Variants in COL19A1 observed in about 807,000 individuals in gnomAD.
The protein encoded by COL19A1 is collagen alpha-1(XIX) chain.
In COL19A1, 159 loss-of-function variants were observed where a neutral mutation model predicts 190.2. That is an observed-to-expected ratio of 0.84 (90% confidence interval 0.73 to 0.95). COL19A1 has a LOEUF of 0.95. COL19A1 is among the 40% of genes least tolerant of loss of function. The probability of loss-of-function intolerance (pLI) is 0.00; values close to 1 mark genes in which losing one functional copy is unlikely to be tolerated. For synonymous variants in COL19A1, 509 were observed against 458.9 expected, an observed-to-expected ratio of 1.11 and a Z score of -1.39; for missense variants, 1,418 against 1,431.9, an observed-to-expected ratio of 0.99 and a Z score of 0.16.
In COL19A1 at chr6:69,871,631, T is replaced by C. The variant is rs148008265; in HGVS notation, c.-33+4991T>C. Among the ~76,000 whole-genome samples the C allele has an allele frequency of 8.5e-5, 13 of 152,292 alleles. No homozygotes were observed. The East Asian group carries it at 2.1e-3, about 25-fold the overall frequency. On this transcript the variant is annotated intron_variant, in intron 1 of 50. Coordinates refer to ENST00000620364, the MANE Select transcript of COL19A1 (RefSeq NM_001858.6). ...TTCCATATTATTTTCTATTTTGGTG[T>C]TGGCTTTAACACTCTGACCTTTTAC...
At chr6:69,962,996 A>G in intron 11 of COL19A1, 126 bp downstream of exon 11, 3 of 598,952 alleles carry the variant, frequency 5.0e-6, no homozygotes, top group Non-Finnish European at 8.1e-6. Context: ...AGACATAACT[A>G]AAACATTTGC....
intron 4 of COL19A1, among the ~76,000 whole-genome samples, chr6:69,919,356 A>G (rs1443601675): frequency 6.6e-6 from 1 of 152,220 alleles, no homozygotes; most frequent in East Asian, 1.9e-4. Context: ...GAAAGCTCTA[A>G]AAGTAGATAA....
chr6:70,195,163 A>AT (rs1767122453), intron 48 of COL19A1, among the ~76,000 whole-genome samples: 3 of 147,114 alleles, frequency 2.0e-5, no homozygotes, highest in Non-Finnish European at 4.5e-5. Flanking sequence ...ATATATATAT[A>AT]AAGAGTTAAA....
chr6:70,194,904 C>T (rs1185902681), intron 48 of COL19A1, among the ~76,000 whole-genome samples: 2 of 151,760 alleles, frequency 1.3e-5, no homozygotes, highest in African/African-American at 4.8e-5. Context: ...CTCCAGATTT[C>T]CAGTGTTCAG....
At chr6:70,001,788 A>G (rs747854843) in intron 11 of COL19A1, among the ~76,000 whole-genome samples, 12 of 152,196 alleles carry the variant, frequency 7.9e-5, no homozygotes, top group Non-Finnish European at 1.2e-4. Context: ...GGGGTTTTCT[A>G]AATATGAAAT....
At chr6:70,166,077 G>A (rs1765133348) in intron 37 of COL19A1, 92 bp downstream of exon 37, 2 of 1,137,036 alleles carry the variant, frequency 1.8e-6, no homozygotes, top group Non-Finnish European at 2.7e-6. Context: ...TGTTTTCAAA[G>A]ATAAAATTCT....
At chr6:69,898,837 T>C in intron 2 of COL19A1, 111 bp from the exon 3 acceptor site, 1 of 685,632 alleles carries the variant, frequency 1.5e-6, no homozygotes, top group Non-Finnish European at 2.5e-6. Context: ...TTTACAGAAA[T>C]TTAATAAATG....
chr6:70,063,828 A>G (rs574145577), intron 14 of COL19A1, among the ~76,000 whole-genome samples: 2 of 152,348 alleles, frequency 1.3e-5, no homozygotes, highest in East Asian at 3.9e-4. Flanking sequence ...ACAAACTACC[A>G]TAAGAGAATA....
chr6:70,050,936 A>G (rs2150132155), intron 14 of COL19A1, among the ~76,000 whole-genome samples: 1 of 152,242 alleles, frequency 6.6e-6, no homozygotes, highest in South Asian at 2.1e-4. Flanking sequence ...GAAACACTGG[A>G]TGTAAGGCCA....
intron 11 of COL19A1, among the ~76,000 whole-genome samples, chr6:69,984,688 A>G (rs1776221330): frequency 6.6e-6 from 1 of 152,182 alleles, no homozygotes; most frequent in Non-Finnish European, 1.5e-5. Context: ...TTTCACAAAA[A>G]GTTAATGAGA....
intron 15 of COL19A1, among the ~76,000 whole-genome samples, chr6:70,073,789 G>A (rs1364128063): frequency 1.3e-5 from 2 of 152,168 alleles, no homozygotes; most frequent in Non-Finnish European, 2.9e-5. Flanking sequence ...TCACTGTGGA[G>A]TAGCTGAGAC....
chr6:69,960,347 A>C (rs1774700196), intron 10 of COL19A1, among the ~76,000 whole-genome samples: 1 of 152,206 alleles, frequency 6.6e-6, no homozygotes, highest in Non-Finnish European at 1.5e-5. Context: ...CAGAGTCTAA[A>C]ATGTAAAATA....
chr6:70,207,363 G>GC lies in COL19A1; in HGVS notation c.*90dup, dbSNP rs1554228331. The GC allele has an allele frequency of 4.9e-6, 2 of 409,396 alleles. No homozygotes were observed. The highest frequency in any genetic ancestry group is 1.6e-4 in the South Asian group (2 of 12,300). The allele number at this position is 409,396 out of a possible 1,614,324, so 25.4% of individuals were successfully genotyped here. ...GTCAAACCCTCATCATCTGTGGGTT[G>GC]CTTTTTTTTTTTTTTTTTTTTTTTG... is the stretch of plus-strand genomic sequence containing the variant. On this transcript the variant is annotated 3_prime_UTR_variant, in exon 51 of 51. Transcript: ENST00000620364.
rs540592331 is a variant in COL19A1, at chr6:70,150,748, G to A, written c.2038-649G>A. ...GGCCTTATGTGCCTTTATAAGCTAT[G>A]TGTGGAGGCATATTTTGGCATTACT... On this transcript the variant is annotated intron_variant, in intron 30 of 50. Coordinates refer to ENST00000620364, the MANE Select transcript of COL19A1 (RefSeq NM_001858.6). Among the ~76,000 whole-genome samples the A allele has an allele frequency of 5.9e-4, 90 of 152,228 alleles. 2 individuals are homozygous for A. In the South Asian group the frequency reaches 0.018, roughly 31 times the overall value.
intron 1 of COL19A1, among the ~76,000 whole-genome samples, chr6:69,871,620 C>T (rs535015827): frequency 1.3e-5 from 2 of 152,050 alleles, no homozygotes; most frequent in South Asian, 4.1e-4. Flanking sequence ...ATATTATTTT[C>T]TATTTTGGTG....
chr6:69,943,838 T>C (rs1007806783), intron 9 of COL19A1, among the ~76,000 whole-genome samples: 11 of 152,298 alleles, frequency 7.2e-5, no homozygotes, highest in Admixed American at 6.5e-4. Context: ...AAAATGTTAC[T>C]CTTATTTATA....
At chr6:70,095,002 C>T (rs2150179791) in intron 15 of COL19A1, among the ~76,000 whole-genome samples, 1 of 152,248 alleles carries the variant, frequency 6.6e-6, no homozygotes, top group South Asian at 2.1e-4. Context: ...ACTTATGCAA[C>T]CACCACATAG....
chr6:70,123,090 T>G (rs1384617329), intron 17 of COL19A1, among the ~76,000 whole-genome samples: 2 of 152,064 alleles, frequency 1.3e-5, no homozygotes, highest in Admixed American at 6.6e-5. Flanking sequence ...GAATCTACAA[T>G]GAACTCAAAC....
intron 17 of COL19A1, among the ~76,000 whole-genome samples, chr6:70,127,211 A>C (rs913587962): frequency 6.6e-6 from 1 of 152,198 alleles, no homozygotes; most frequent in Non-Finnish European, 1.5e-5. Context: ...ACTTCTGAGG[A>C]AGAAGAGTGA....
Sources: allele counts gnomAD v4.1 joint callset (sites outside exome capture counted in the v4.1 genomes callset), GRCh38; gene constraint gnomAD v4.1.1; transcripts MANE v1.5; gene names NCBI Gene and HGNC (gene_info 2026-07-23, HGNC 2026-07-21).